AGBL1: variants seen among roughly 807,000 people sequenced by gnomAD.
AGBL1 encodes the protein cytosolic carboxypeptidase 4.
In AGBL1, 130 loss-of-function variants were observed where a neutral mutation model predicts 118.9. The observed-to-expected ratio is 1.09, with a 90% CI of 0.95 to 1.26. The LOEUF is 1.26. Ranked by LOEUF, AGBL1 falls within the 50% of genes most tolerant of loss-of-function variation. The probability of loss-of-function intolerance (pLI) is 0.00; values close to 1 mark genes in which losing one functional copy is unlikely to be tolerated. For missense variants in AGBL1, 1,584 were observed against 1,298.1 expected, an observed-to-expected ratio of 1.22 and a Z score of -3.38; for synonymous variants, 555 against 478.9, an observed-to-expected ratio of 1.16 and a Z score of -2.08.
intron 1 of AGBL1, among the ~76,000 whole-genome samples, chr15:86,113,016 G>T (rs1013511613): frequency 6.6e-6 from 1 of 152,030 alleles, no homozygotes; most frequent in Non-Finnish European, 1.5e-5. Flanking sequence ...TCAAAAACAT[G>T]CCTTCCACTG....
At chr15:86,564,130 A>T (rs1386427050) in intron 21 of AGBL1, among the ~76,000 whole-genome samples, 1 of 152,124 alleles carries the variant, frequency 6.6e-6, no homozygotes, top group African/African-American at 2.4e-5. Context: ...GCCCATTTAT[A>T]TTTAAGGTTA....
intron 20 of AGBL1, among the ~76,000 whole-genome samples, chr15:86,551,169 C>T (rs1309102506): frequency 6.6e-6 from 1 of 151,554 alleles, no homozygotes; most frequent in African/African-American, 2.4e-5. Flanking sequence ...CATTCAGAAA[C>T]AAGAAAAATA....
intron 22 of AGBL1, among the ~76,000 whole-genome samples, chr15:86,684,839 A>T (rs1278435245): frequency 2.6e-5 from 4 of 152,166 alleles, no homozygotes; most frequent in Non-Finnish European, 5.9e-5. Context: ...ACATTCTAAC[A>T]TCAGTAGTAG....
chr15:86,338,084 G>A (rs1316025020), intron 17 of AGBL1, among the ~76,000 whole-genome samples: 1 of 152,120 alleles, frequency 6.6e-6, no homozygotes, highest in Non-Finnish European at 1.5e-5. Context: ...GGTTCTAAAG[G>A]AAATGGAAGA....
chr15:86,772,273 G>C (rs1010021451), intron 22 of AGBL1, among the ~76,000 whole-genome samples: 3 of 152,012 alleles, frequency 2.0e-5, no homozygotes, highest in African/African-American at 7.2e-5. Flanking sequence ...ACCCTCTGCT[G>C]ATCCCAGCCA....
At chr15:86,954,505 T>A (rs886310010) in intron 23 of AGBL1, among the ~76,000 whole-genome samples, 2 of 152,182 alleles carry the variant, frequency 1.3e-5, no homozygotes, top group African/African-American at 4.8e-5. Context: ...TGCAGCAGCA[T>A]AGATGCAACT....
intron 21 of AGBL1, among the ~76,000 whole-genome samples, chr15:86,572,309 C>T (rs553729030): frequency 1.8e-4 from 28 of 152,216 alleles, no homozygotes; most frequent in Non-Finnish European, 7.3e-5. Context: ...GCGAGGCTCT[C>T]ACTTGTCCCT....
At chr15:86,204,995 T>C (rs753344551) in intron 5 of AGBL1, among the ~76,000 whole-genome samples, 3 of 152,226 alleles carry the variant, frequency 2.0e-5, no homozygotes, top group African/African-American at 4.8e-5. Flanking sequence ...GAGAAATTTA[T>C]AGTGATATGA....
chr15:86,934,877 A>G (rs556567056), intron 23 of AGBL1, among the ~76,000 whole-genome samples: 9 of 152,156 alleles, frequency 5.9e-5, no homozygotes, highest in African/African-American at 2.2e-4. Context: ...TTAAACACTG[A>G]TTTTGGGGAA....
intron 21 of AGBL1, among the ~76,000 whole-genome samples, chr15:86,599,529 C>T (rs1221551559): frequency 1.3e-5 from 2 of 151,924 alleles, no homozygotes; most frequent in Non-Finnish European, 2.9e-5. Flanking sequence ...ACCTCAAATC[C>T]TTTGGGAAGT....
chr15:86,446,667 G>A (rs1263992762), intron 18 of AGBL1, among the ~76,000 whole-genome samples: 3 of 152,124 alleles, frequency 2.0e-5, no homozygotes, highest in South Asian at 2.1e-4. Flanking sequence ...GATAGATTTC[G>A]ACTCCCCTTA....
Position 86,555,593 on chromosome 15 carries a change from A to C in AGBL1, c.2994+1056A>C, listed in dbSNP as rs951704952. Among the ~76,000 whole-genome samples, 74 of 152,318 alleles carry C rather than the reference A, an allele frequency of 4.9e-4. 1 individual carries two copies. The highest frequency in any genetic ancestry group is 1.7e-3 in the African/African-American group (71 of 41,570). ...TAATTGTTTTGTTACTGAATTAATA[A>C]ATTCTTAGACTGAATTAATCCTATT... is the stretch of plus-strand genomic sequence containing the variant. On this transcript the variant is annotated intron_variant, in intron 21 of 22. Coordinates refer to ENST00000614907, the MANE Select transcript of AGBL1 (RefSeq NM_001386094.1).
At chr15:86,242,342 T>A (rs1032998500) in intron 6 of AGBL1, among the ~76,000 whole-genome samples, 1 of 152,230 alleles carries the variant, frequency 6.6e-6, no homozygotes, top group South Asian at 2.1e-4. Flanking sequence ...GTACCTATTA[T>A]GTACCAGGCA....
chr15:86,778,654 T>C (rs1182016398), intron 22 of AGBL1, among the ~76,000 whole-genome samples: 2 of 152,218 alleles, frequency 1.3e-5, no homozygotes, highest in African/African-American at 2.4e-5. Context: ...TCTTGCTCCC[T>C]GAACATTGCT....
intron 22 of AGBL1, among the ~76,000 whole-genome samples, chr15:86,742,119 T>C (rs900449237): frequency 1.8e-4 from 28 of 152,042 alleles, no homozygotes; most frequent in African/African-American, 6.0e-4. Context: ...CATTGAGCCA[T>C]CTATACTCAC....
At chr15:86,262,717 C>G in intron 9 of AGBL1, 61 bp from the exon 10 acceptor site, 2 of 1,146,624 alleles carry the variant, frequency 1.7e-6, no homozygotes, top group Non-Finnish European at 1.3e-6. Context: ...CATATCATGT[C>G]TTGATGCTTC....
At chr15:86,975,735 A>T (rs531190474) in intron 23 of AGBL1, among the ~76,000 whole-genome samples, 1 of 151,952 alleles carries the variant, frequency 6.6e-6, no homozygotes, top group Non-Finnish European at 1.5e-5. Flanking sequence ...CCCACACTCA[A>T]CCTGTCTTTC....
At chr15:86,103,086 C>G (rs990705552) in intron 1 of AGBL1, among the ~76,000 whole-genome samples, 3 of 151,940 alleles carry the variant, frequency 2.0e-5, no homozygotes, top group African/African-American at 7.3e-5. Context: ...TTCTAGCTGT[C>G]TATTGTTGAA....
At chr15:86,772,829 A>G (rs1273201503) in intron 22 of AGBL1, among the ~76,000 whole-genome samples, 1 of 152,076 alleles carries the variant, frequency 6.6e-6, no homozygotes, top group African/African-American at 2.4e-5. Context: ...AAATTGAGCA[A>G]CATGCATGCT....
Sources: allele counts gnomAD v4.1 joint callset (sites outside exome capture counted in the v4.1 genomes callset), GRCh38; gene constraint gnomAD v4.1.1; transcripts MANE v1.5; gene names NCBI Gene and HGNC (gene_info 2026-07-23, HGNC 2026-07-21).